HECW1: variants seen among roughly 807,000 people sequenced by gnomAD.
HECW1 encodes E3 ubiquitin-protein ligase HECW1.
Under a neutral mutation model 182.3 loss-of-function variants are expected in HECW1, and 61 were observed. That is an observed-to-expected ratio of 0.33 (90% CI 0.27 to 0.41). HECW1 has a LOEUF of 0.41. Ranked by LOEUF, HECW1 falls within the 10% of genes least tolerant of loss-of-function variation. The pLI is 1.00. For missense variants in HECW1, 1,739 were observed against 2,108.9 expected (o/e 0.82, Z 3.44); for synonymous variants, 859 against 832.6 (o/e 1.03, Z -0.55).
At chr7:43,394,006 G>C (rs12155068) in intron 6 of HECW1, among the ~76,000 whole-genome samples, 43,699 of 152,010 alleles carry the variant, frequency 0.29, 7,489 homozygotes, top group Middle Eastern at 0.45. Flanking sequence ...CTTAGAAAGA[G>C]ACAAATTTGG....
At chr7:43,366,221 A>G (rs768464130) in intron 6 of HECW1, among the ~76,000 whole-genome samples, 1 of 152,196 alleles carries the variant, frequency 6.6e-6, no homozygotes, top group Non-Finnish European at 1.5e-5. Context: ...TTCTCTTAAA[A>G]AAAAAGGCAA....
intron 2 of HECW1, among the ~76,000 whole-genome samples, chr7:43,135,392 G>A (rs1787415173): frequency 6.6e-6 from 1 of 152,052 alleles, no homozygotes; most frequent in South Asian, 2.1e-4. Context: ...CAGCCACCTT[G>A]GAAGCTGGGG....
intron 20 of HECW1, 129 bp downstream of exon 20, chr7:43,500,911 C>T (rs150895720): frequency 1.7e-4 from 130 of 784,588 alleles, no homozygotes; most frequent in African/African-American, 1.5e-3. Flanking sequence ...GTAACTGCAA[C>T]GCAAGTGGGA....
chr7:43,235,128 C>T (rs1208218666), intron 2 of HECW1, among the ~76,000 whole-genome samples: 1 of 152,164 alleles, frequency 6.6e-6, no homozygotes, highest in Non-Finnish European at 1.5e-5. Flanking sequence ...GAGAGCCTCC[C>T]CTGGAACTGG....
chr7:43,346,120 A>G (rs1813649868), intron 5 of HECW1, among the ~76,000 whole-genome samples: 1 of 152,166 alleles, frequency 6.6e-6, no homozygotes, highest in African/African-American at 2.4e-5. Flanking sequence ...AGCAGTGTAG[A>G]AGTGTTCCCT....
chr7:43,450,872 C>T lies in HECW1; in HGVS notation c.2443C>T (p.Pro815Ser). 1 of 1,613,646 alleles carries T rather than the reference C, an allele frequency of 6.2e-7. No homozygotes were observed. Among genetic ancestry groups the T allele is most frequent in the Non-Finnish European group, 8.5e-7 (1 of 1,179,570 alleles). The change falls in exon 12 of 30, where the codon CCT becomes TCT. Residue 815 changes from proline (P) to serine (S), a missense_variant. This residue lies in a region of HECW1 where 971 missense variants were observed against 1,029.1 expected (regional missense o/e 0.94). Transcript: ENST00000395891. The stretch of plus-strand genomic sequence containing the variant: ...TAATTCCCAGCCAGTAAGCCAGCTT[C>T]CTTCCCTGAGGCCTGAACATCATCA... ...LHNSQPVSQL[P>S]SLRPEHHHYP... is the part of the protein sequence containing the mutation.
At chr7:43,259,069 C>T (rs1344599363) in intron 3 of HECW1, among the ~76,000 whole-genome samples, 1 of 152,164 alleles carries the variant, frequency 6.6e-6, no homozygotes, top group African/African-American at 2.4e-5. Context: ...TAGTATGCTT[C>T]AGTCTGCACT....
At chr7:43,317,808 ATT>A (rs1491306844) in intron 4 of HECW1, among the ~76,000 whole-genome samples, 8 of 104,278 alleles carry the variant, frequency 7.7e-5, no homozygotes, top group Admixed American at 3.7e-4. Context: ...TTTTCTCATT[ATT>A]GTGTGTGTGT....
chr7:43,489,794 A>G lies in HECW1; in HGVS notation c.3235-2281A>G, dbSNP rs113053320. On this transcript the variant is annotated intron_variant, in intron 17 of 29. Transcript: ENST00000395891. ...AGTGGGAACCAAAGGAAAATCAGCA[A>G]TGCCTGTGTTTGTCATTAGGGATCG... Among the ~76,000 whole-genome samples, 374 of 152,300 alleles carry G rather than the reference A, an allele frequency of 2.5e-3. 1 individual carries two copies. Among genetic ancestry groups the G allele is most frequent in the African/African-American group, 8.3e-3 (345 of 41,552 alleles).
intron 3 of HECW1, among the ~76,000 whole-genome samples, chr7:43,298,170 G>A (rs183927521): frequency 5.9e-5 from 9 of 152,214 alleles, no homozygotes; most frequent in African/African-American, 1.2e-4. Flanking sequence ...TGCACCATTC[G>A]CCCTGTCTGG....
chr7:43,170,170 G>C (rs995667033), intron 2 of HECW1, among the ~76,000 whole-genome samples: 1 of 152,166 alleles, frequency 6.6e-6, no homozygotes, highest in Non-Finnish European at 1.5e-5. Context: ...CCTTATTGTG[G>C]ACTGCACATG....
intron 2 of HECW1, among the ~76,000 whole-genome samples, chr7:43,167,614 A>ATG (rs1353574195): frequency 6.6e-6 from 1 of 152,174 alleles, no homozygotes; most frequent in African/African-American, 2.4e-5. Flanking sequence ...GTTTCAAGAA[A>ATG]TGTGTGTTCA....
At chr7:43,480,384 T>C in intron 17 of HECW1, among the ~76,000 whole-genome samples, 1 of 152,194 alleles carries the variant, frequency 6.6e-6, no homozygotes. Context: ...TTTTTGCTCC[T>C]GATCAGTTCC....
chr7:43,353,347 T>C (rs1383978455), intron 5 of HECW1, among the ~76,000 whole-genome samples: 1 of 152,118 alleles, frequency 6.6e-6, no homozygotes, highest in African/African-American at 2.4e-5. Context: ...TGCTAAACAC[T>C]GGAACATAGT....
rs1464124121 is a variant in HECW1 at position 43,562,420 on chromosome 7, C to T, written c.*494C>T. On this transcript the variant is annotated 3_prime_UTR_variant, in exon 30 of 30. Coordinates refer to ENST00000395891, the MANE Select transcript of HECW1 (RefSeq NM_015052.5). The stretch of plus-strand genomic sequence containing the variant: ...CTGATCAACTCTTTGTTTTCCTCTC[C>T]ATCTACTTTTCCCTGTGCATAATAT... The T allele has an allele frequency of 4.4e-6, 1 of 229,090 alleles. No homozygotes were observed. The highest frequency in any genetic ancestry group is 8.7e-6 in the Non-Finnish European group (1 of 115,520). The allele number at this position is 229,090 out of a possible 1,614,324, so 14.2% of individuals were successfully genotyped here. A position where few individuals can be genotyped will look rare whatever the true frequency, so the allele number is the denominator to read the frequency against.
At position 43,562,981 on chromosome 7, in the gene HECW1, T is replaced by A. The variant is rs1043313529; in HGVS notation, c.*1055T>A. ...TTGCTTGGCAGACAAACCCTTTTTT[T>A]AAAACTTTGATATTTTTTTTTCACA... On this transcript the variant is annotated 3_prime_UTR_variant, in exon 30 of 30. Coordinates refer to ENST00000395891, the MANE Select transcript of HECW1 (RefSeq NM_015052.5). The A allele has an allele frequency of 4.8e-6, 1 of 207,348 alleles. No homozygotes were observed. Among genetic ancestry groups the A allele is most frequent in the South Asian group, 1.9e-4 (1 of 5,266 alleles). The allele number at this position is 207,348 out of a possible 1,614,324, so 12.8% of individuals were successfully genotyped here.
chr7:43,464,613 C>T (rs1257911472), intron 14 of HECW1, among the ~76,000 whole-genome samples: 1 of 152,034 alleles, frequency 6.6e-6, no homozygotes, highest in Non-Finnish European at 1.5e-5. Flanking sequence ...GCTTAGAGAA[C>T]AGTCTGGGCA....
At chr7:43,308,022 ATATAT>A (rs1449465958) in intron 3 of HECW1, among the ~76,000 whole-genome samples, 5 of 118,852 alleles carry the variant, frequency 4.2e-5, no homozygotes, top group African/African-American at 1.3e-4. Flanking sequence ...AGTATATATA[ATATAT>A]TATATATTAT....
intron 2 of HECW1, among the ~76,000 whole-genome samples, chr7:43,211,445 G>C (rs539391340): frequency 6.6e-6 from 1 of 152,078 alleles, no homozygotes; most frequent in Non-Finnish European, 1.5e-5. Context: ...CGCTAGGGAT[G>C]CAGGGAGAGT....
Sources: gnomAD v4.1 joint callset for allele counts (sites outside exome capture counted in the v4.1 genomes callset) on GRCh38, gnomAD v4.1.1 for gene constraint, gnomAD v4.1.1 regional missense constraint, MANE v1.5 for transcripts, NCBI Gene and HGNC (gene_info 2026-07-23, HGNC 2026-07-21) for gene names.